Variants in UBOX5 observed in about 807,000 individuals in gnomAD.
UBOX5 encodes U-box domain containing 5.
A neutral mutation model predicts 39.0 loss-of-function variants in UBOX5; 28 were observed. The ratio of observed to expected loss-of-function variants is 0.72; its 90% confidence interval spans 0.53 to 0.98. The LOEUF (loss-of-function observed/expected upper bound fraction) is 0.98. Ranked by LOEUF, UBOX5 falls within the 50% of genes least tolerant of loss-of-function variation. The pLI, the probability that UBOX5 is intolerant of heterozygous loss-of-function variation, is 0.00. For missense variants in UBOX5, 585 were observed against 674.4 expected (o/e 0.87, Z 1.47); for synonymous variants, 283 against 275.5 (o/e 1.03, Z -0.27).
chr20:3,144,686 G>T (rs1156882261), intron 1 of UBOX5, among the ~76,000 whole-genome samples: 1 of 152,162 alleles, frequency 6.6e-6, no homozygotes. Flanking sequence ...GAAACTATTT[G>T]CAAATCACAT....
At position 3,156,173 on chromosome 20, in the gene UBOX5, CTT is replaced by C. The variant is rs761149925; in HGVS notation, c.-42+3591_-42+3592del. On this transcript the variant is annotated intron_variant, in intron 1 of 4. Coordinates refer to ENST00000217173, the MANE Select transcript of UBOX5 (RefSeq NM_014948.4). ...ATGCTCAGTCAATTAACTTCTGACT[CTT>C]TTTTTTTTTTTTTTTTTTGAGACAG... Among the ~76,000 whole-genome samples, 521 of 130,108 alleles carry C rather than the reference CTT, an allele frequency of 4.0e-3. 2 individuals carry two copies. The highest frequency in any genetic ancestry group is 0.011 in the African/African-American group (389 of 34,872). The allele number at this position is 130,108 out of a possible 152,430, so 85.4% of individuals were successfully genotyped here. A position where few individuals can be genotyped will look rare whatever the true frequency, so the allele number is the denominator to read the frequency against.
Position 3,110,098 on chromosome 20 carries a change from T to A in UBOX5, c.*8A>T. The A allele has an allele frequency of 6.2e-7, 1 of 1,610,026 alleles. No homozygotes were observed. The highest frequency in any genetic ancestry group is 8.5e-7 in the Non-Finnish European group (1 of 1,179,954). ...AGCAATGGGTCTCCTCCAGTGGAGG[T>A]CAGTCACTCAGAAGTGGACCCGCAG... On this transcript the variant is annotated 3_prime_UTR_variant, in exon 5 of 5. Transcript: ENST00000217173.
At chr20:3,153,523 A>G (rs2066652985) in intron 1 of UBOX5, among the ~76,000 whole-genome samples, 1 of 152,262 alleles carries the variant, frequency 6.6e-6, no homozygotes, top group African/African-American at 2.4e-5. Flanking sequence ...GGAGCCTAAT[A>G]TTAAAGACTG....
chr20:3,133,451 G>A (rs913531024), intron 1 of UBOX5, among the ~76,000 whole-genome samples: 21 of 152,198 alleles, frequency 1.4e-4, no homozygotes, highest in African/African-American at 4.6e-4. Context: ...CAAGGCTTGA[G>A]TATAACTTAA....
In UBOX5 at chr20:3,115,214, A is replaced by G. The variant is rs1347562725; in HGVS notation, c.1417+91T>C. ...ACGGGGAGGCTGGCCAGGCAGGTCC[A>G]CAGAGCCCCCAGGGACTCGGCCCAG... On this transcript the variant is annotated intron_variant, in intron 4 of 4. Transcript: ENST00000217173. 6 of 1,458,768 alleles carry G rather than the reference A, an allele frequency of 4.1e-6. No individual in the cohort carries two copies. The African/African-American group carries it at 4.3e-5, about 10-fold the overall frequency. 90.4% of individuals were successfully genotyped at this position (1,458,768 alleles called of 1,614,324 possible). A position where few individuals can be genotyped will look rare whatever the true frequency, so the allele number is the denominator to read the frequency against.
chr20:3,140,586 T>G (rs1364498759), intron 1 of UBOX5, among the ~76,000 whole-genome samples: 1 of 152,140 alleles, frequency 6.6e-6, no homozygotes, highest in Non-Finnish European at 1.5e-5. Context: ...TCTCCTGAAT[T>G]TTCAACTTAC....
intron 1 of UBOX5, chr20:3,135,945 G>C (rs1472410371): frequency 6.6e-6 from 1 of 152,218 alleles, no homozygotes; most frequent in East Asian, 1.9e-4. Flanking sequence ...GGGAGGCTGA[G>C]GTGGGTGGAT....
chr20:3,147,921 G>A (rs746148322), intron 1 of UBOX5: 6 of 1,614,174 alleles, frequency 3.7e-6, no homozygotes, highest in South Asian at 2.2e-5. Context: ...GAAGGAATTC[G>A]CTGAGGAGCT....
At chr20:3,139,141 G>C (rs943187946) in intron 1 of UBOX5, among the ~76,000 whole-genome samples, 1 of 152,112 alleles carries the variant, frequency 6.6e-6, no homozygotes, top group African/African-American at 2.4e-5. Flanking sequence ...TGAGTTACCT[G>C]TCCATCCATG....
chr20:3,115,286 A>G lies in UBOX5; in HGVS notation c.1417+19T>C, dbSNP rs1479164341. The G allele has an allele frequency of 1.2e-6, 2 of 1,603,222 alleles. No homozygotes were observed. The highest frequency in any genetic ancestry group is 1.7e-6 in the Non-Finnish European group (2 of 1,175,174). ...CCACCCATTCCAAGGCTCCAAGGAGATGGCGGGGCCCATGTTACCCGAGCC... is the reference window on the plus strand; with the variant it reads ...CCACCCATTCCAAGGCTCCAAGGAGGTGGCGGGGCCCATGTTACCCGAGCC... On this transcript the variant is annotated intron_variant, in intron 4 of 4. Coordinates refer to ENST00000217173, the MANE Select transcript of UBOX5 (RefSeq NM_014948.4).
At chr20:3,120,127 T>A (rs1319387872) in intron 3 of UBOX5, among the ~76,000 whole-genome samples, 1 of 151,994 alleles carries the variant, frequency 6.6e-6, no homozygotes, top group East Asian at 1.9e-4. Flanking sequence ...GGCAGGTGGA[T>A]CACGAGGTTA....
intron 1 of UBOX5, among the ~76,000 whole-genome samples, chr20:3,146,185 A>G (rs2066560362): frequency 6.6e-6 from 1 of 152,020 alleles, no homozygotes; most frequent in Admixed American, 6.6e-5. Context: ...TGCTAAAAAG[A>G]CAAAAATTAT....
At chr20:3,115,625 C>T (rs1009175910) in intron 3 of UBOX5, among the ~76,000 whole-genome samples, 159 bp from the exon 4 acceptor site, 11 of 152,182 alleles carry the variant, frequency 7.2e-5, no homozygotes, top group Admixed American at 1.3e-4. Flanking sequence ...GACAGAACAC[C>T]GGGAGGTAAA....
intron 1 of UBOX5, among the ~76,000 whole-genome samples, chr20:3,126,636 A>C (rs2066391411): frequency 6.9e-6 from 1 of 144,774 alleles, no homozygotes; most frequent in Admixed American, 6.9e-5. Context: ...TGAAGGAGGA[A>C]GGGAGGGAGG....
chr20:3,145,118 G>A (rs969258736), intron 1 of UBOX5, among the ~76,000 whole-genome samples: 2 of 151,372 alleles, frequency 1.3e-5, no homozygotes, highest in African/African-American at 4.8e-5. Flanking sequence ...GAAAAGATGT[G>A]TTGGAGGAAA....
intron 1 of UBOX5, among the ~76,000 whole-genome samples, chr20:3,124,246 G>A (rs887462453): frequency 3.3e-5 from 5 of 152,002 alleles, no homozygotes; most frequent in Middle Eastern, 3.2e-3. Flanking sequence ...CCCTTTCTTC[G>A]GTCTCCCTCT....
intron 1 of UBOX5, among the ~76,000 whole-genome samples, chr20:3,142,205 T>C (rs2066522725): frequency 6.7e-6 from 1 of 149,912 alleles, no homozygotes; most frequent in African/African-American, 2.5e-5. Flanking sequence ...CTCACACCTA[T>C]AATCCCAGCA....
intron 1 of UBOX5, chr20:3,148,564 C>T (rs1228253667): frequency 1.2e-6 from 2 of 1,614,118 alleles, no homozygotes; most frequent in Non-Finnish European, 1.7e-6. Flanking sequence ...AAGAGCTCAG[C>T]TTACACAAAT....
chr20:3,127,722 G>C (rs557593805), intron 1 of UBOX5, among the ~76,000 whole-genome samples: 1 of 152,192 alleles, frequency 6.6e-6, no homozygotes, highest in East Asian at 1.9e-4. Flanking sequence ...ATTTATACAC[G>C]AGAATAAATT....
Sources: gnomAD v4.1 joint callset for allele counts (sites outside exome capture counted in the v4.1 genomes callset) on GRCh38, gnomAD v4.1.1 for gene constraint, MANE v1.5 for transcripts, NCBI Gene and HGNC (gene_info 2026-07-23, HGNC 2026-07-21) for gene names.